IGBP1: variants seen among roughly 807,000 people sequenced by gnomAD.
IGBP1 encodes immunoglobulin binding protein 1, also known as immunoglobulin-binding protein 1.
A neutral mutation model predicts 25.9 loss-of-function variants in IGBP1; 2 were observed. The observed-to-expected ratio is 0.08, with a 90% CI of 0.03 to 0.24. The LOEUF (loss-of-function observed/expected upper bound fraction) is 0.24, where lower values mean the gene tolerates loss of function less well. IGBP1 is among the 10% of genes least tolerant of loss of function. The pLI is 1.00. For missense variants in IGBP1, 187 were observed against 260.4 expected (o/e 0.72, Z 1.94); for synonymous variants, 96 against 93.4 (o/e 1.03, Z -0.16).
chrX:70,155,428 G>A lies in IGBP1; in HGVS notation c.871+5106G>A, dbSNP rs1216230165. On this transcript the variant is annotated intron_variant, in intron 6 of 6. Coordinates refer to ENST00000356413, the MANE Select transcript of IGBP1 (RefSeq NM_001551.3). ...GAGAATCGCTTGAACCCAGGAGGCTGAGGTTGCAGTGAGCCGAGACCACAC... is the reference window on the plus strand; with the variant it reads ...GAGAATCGCTTGAACCCAGGAGGCTAAGGTTGCAGTGAGCCGAGACCACAC... Among the ~76,000 whole-genome samples the A allele has an allele frequency of 1.2e-4, 12 of 104,220 alleles. No individual in the cohort carries two copies. The Admixed American group carries it at 1.2e-3, about 11-fold the overall frequency. The allele number at this position is 104,220 out of a possible 115,157, so 90.5% of individuals were successfully genotyped here.
chrX:70,135,767 G>A (rs1386865634), intron 3 of IGBP1, among the ~76,000 whole-genome samples: 2 of 111,589 alleles, frequency 1.8e-5, no homozygotes, highest in Non-Finnish European at 3.8e-5. Context: ...TGGTAAGGGG[G>A]AAGGAATGAT....
chrX:70,144,650 CTTTTTTTTTTT>C (rs138993842), intron 3 of IGBP1, among the ~76,000 whole-genome samples: 1 of 27,740 alleles, frequency 3.6e-5, no homozygotes, highest in African/African-American at 1.5e-4. Context: ...TGGTTCTTGA[CTTTTTTTTTTT>C]TTTTTTTTTT....
chrX:70,142,043 GA>G (rs1258875894), intron 3 of IGBP1, among the ~76,000 whole-genome samples: 1 of 111,823 alleles, frequency 8.9e-6, no homozygotes, highest in Non-Finnish European at 1.9e-5. Flanking sequence ...ACAGAAAAGA[GA>G]AGAGTAGGCC....
chrX:70,138,932 A>G (rs2085113609), intron 3 of IGBP1, among the ~76,000 whole-genome samples: 1 of 112,286 alleles, frequency 8.9e-6, no homozygotes, highest in Admixed American at 9.4e-5. Flanking sequence ...GTGTTTGAAT[A>G]TTTTGAGGCT....
At chrX:70,160,351 A>C (rs2085264749) in intron 6 of IGBP1, among the ~76,000 whole-genome samples, 1 of 112,251 alleles carries the variant, frequency 8.9e-6, no homozygotes, top group Admixed American at 9.5e-5. Context: ...CAGACATCTC[A>C]GTAAAAATAG....
chrX:70,164,830 C>T (rs1226157132), intron 6 of IGBP1: 9 of 112,072 alleles, frequency 8.0e-5, no homozygotes, highest in African/African-American at 2.9e-4. Flanking sequence ...TGGCTCACGC[C>T]TGTAACCCCA....
intron 3 of IGBP1, among the ~76,000 whole-genome samples, chrX:70,139,248 T>C (rs1212135453): frequency 1.9e-5 from 2 of 103,166 alleles, no homozygotes; most frequent in Non-Finnish European, 3.9e-5. Context: ...AGGTGGAGGT[T>C]GCAGTGAGCC....
intron 6 of IGBP1, chrX:70,165,019 C>T (rs2085289699): frequency 9.0e-6 from 1 of 111,232 alleles, no homozygotes; most frequent in Non-Finnish European, 1.9e-5. Context: ...CATGATCACA[C>T]CACTGTACTC....
intron 6 of IGBP1, among the ~76,000 whole-genome samples, chrX:70,164,325 A>G (rs898615775): frequency 3.6e-5 from 4 of 112,114 alleles, no homozygotes; most frequent in African/African-American, 1.3e-4. Context: ...TTTCATGTGT[A>G]TGAAATGTCC....
chrX:70,162,785 C>T (rs1004215223), intron 6 of IGBP1, among the ~76,000 whole-genome samples: 1 of 111,439 alleles, frequency 9.0e-6, no homozygotes. Flanking sequence ...ACCAGCCTGG[C>T]CAATGTGATA....
intron 6 of IGBP1, among the ~76,000 whole-genome samples, chrX:70,155,313 G>A (rs928036537): frequency 4.5e-5 from 5 of 110,796 alleles, no homozygotes; most frequent in African/African-American, 1.6e-4. Context: ...TGACCAACAT[G>A]GTGAAACCCC....
intron 3 of IGBP1, among the ~76,000 whole-genome samples, chrX:70,136,704 A>ATTT (rs2085096761): frequency 9.5e-6 from 1 of 105,055 alleles, no homozygotes; most frequent in Non-Finnish European, 1.9e-5. Context: ...TTTCTTTATT[A>ATTT]TTATTATTAT....
chrX:70,137,077 C>T (rs4844106), intron 3 of IGBP1, among the ~76,000 whole-genome samples: 67,536 of 110,116 alleles, frequency 0.61, 17,750 homozygotes, highest in East Asian at 0.94. Flanking sequence ...AGTTAGGAAA[C>T]AGTGAGGGAA....
chrX:70,139,226 C>T (rs1482426259), intron 3 of IGBP1, among the ~76,000 whole-genome samples: 1 of 107,679 alleles, frequency 9.3e-6, no homozygotes, highest in African/African-American at 3.4e-5. Context: ...AGGAGAATTG[C>T]TGGAACCCAG....
intron 3 of IGBP1, among the ~76,000 whole-genome samples, chrX:70,146,091 A>C (rs1458385624): frequency 4.5e-5 from 5 of 112,027 alleles, no homozygotes; most frequent in African/African-American, 1.6e-4. Context: ...CCTGAAAAAG[A>C]AAGGCAGCCA....
At chrX:70,135,615 G>A (rs941360651) in intron 3 of IGBP1, among the ~76,000 whole-genome samples, 1 of 111,750 alleles carries the variant, frequency 8.9e-6, no homozygotes, top group African/African-American at 3.3e-5. Context: ...AGGGGAAGAG[G>A]AGAGGAGGGC....
intron 3 of IGBP1, among the ~76,000 whole-genome samples, chrX:70,136,596 G>T (rs1380544313): frequency 9.0e-6 from 1 of 111,130 alleles, no homozygotes; most frequent in Non-Finnish European, 1.9e-5. Flanking sequence ...TCTGGCATGT[G>T]GTGAGTATTC....
chrX:70,141,346 CAAA>C (rs377628315), intron 3 of IGBP1, among the ~76,000 whole-genome samples: 1 of 86,098 alleles, frequency 1.2e-5, no homozygotes, highest in Non-Finnish European at 2.3e-5. Context: ...GACCCTGTTG[CAAA>C]AAAAAAAAAG....
At chrX:70,165,093 T>G in intron 6 of IGBP1, 1 of 113,546 alleles carries the variant, frequency 8.8e-6, no homozygotes, top group Non-Finnish European at 1.9e-5. Flanking sequence ...TTAGAAGAGA[T>G]CAGATCCCCA....
Sources: allele counts gnomAD v4.1 joint callset (sites outside exome capture counted in the v4.1 genomes callset), GRCh38; gene constraint gnomAD v4.1.1; transcripts MANE v1.5; gene names NCBI Gene and HGNC (gene_info 2026-07-23, HGNC 2026-07-21).